The following SGCZ variants were observed in gnomAD, a reference collection of about 807,000 sequenced individuals.
SGCZ encodes the protein sarcoglycan zeta.
Under a neutral mutation model 41.3 loss-of-function variants are expected in SGCZ, and 40 were observed. The observed-to-expected ratio is 0.97, with a 90% confidence interval of 0.75 to 1.26. The LOEUF is 1.26. Among genes scored for constraint, SGCZ ranks in the 50% most tolerant of loss-of-function variants. The pLI is 0.00. For missense variants in SGCZ, 552 were observed against 369.8 expected, an observed-to-expected ratio of 1.49 and a Z score of -4.04; for synonymous variants, 206 against 137.5, an observed-to-expected ratio of 1.50 and a Z score of -3.49.
chr8:14,102,541 C>T (rs538382666), intron 6 of SGCZ, 42 bp from the exon 7 acceptor site: 3 of 1,319,846 alleles, frequency 2.3e-6, no homozygotes, highest in East Asian at 2.9e-5. Flanking sequence ...AAAAAAAACA[C>T]AAAAAAATCA....
intron 3 of SGCZ, among the ~76,000 whole-genome samples, chr8:14,296,428 G>A (rs1328728893): frequency 6.6e-6 from 1 of 152,246 alleles, no homozygotes; most frequent in African/African-American, 2.4e-5. Flanking sequence ...AAGGATTAAA[G>A]TATGTCACAT....
intron 4 of SGCZ, among the ~76,000 whole-genome samples, chr8:14,199,463 C>T (rs1805385237): frequency 6.6e-6 from 1 of 152,132 alleles, no homozygotes; most frequent in Admixed American, 6.5e-5. Context: ...TCTCGCCCTG[C>T]CTCCATTTGC....
At chr8:14,796,464 A>T (rs1367833207) in intron 1 of SGCZ, among the ~76,000 whole-genome samples, 4 of 151,816 alleles carry the variant, frequency 2.6e-5, no homozygotes, top group Non-Finnish European at 1.5e-5. Flanking sequence ...TCACAAGGTC[A>T]CTTATTTGAG....
chr8:14,802,559 T>G (rs1040085547), intron 1 of SGCZ, among the ~76,000 whole-genome samples: 1 of 152,184 alleles, frequency 6.6e-6, no homozygotes, highest in East Asian at 1.9e-4. Context: ...GCTGCCGCCT[T>G]TTTTATGAAT....
chr8:14,523,454 TC>T (rs1374544989), intron 2 of SGCZ, among the ~76,000 whole-genome samples: 2 of 152,098 alleles, frequency 1.3e-5, no homozygotes, highest in East Asian at 1.9e-4. Context: ...TTTAAGTTTT[TC>T]TTCTTTATTC....
rs928025665 is a variant in SGCZ at position 14,284,338 on chromosome 8, G to A, written c.336+39765C>T. On this transcript the variant is annotated intron_variant, in intron 3 of 7. Coordinates refer to ENST00000382080, the MANE Select transcript of SGCZ (RefSeq NM_139167.4). ...AGTCCAGGAGGTTGAGGCTGCATGA[G>A]CTGTGGCCATGCCACTGAATTCCAG... Among the ~76,000 whole-genome samples the A allele has an allele frequency of 7.9e-5, 12 of 152,332 alleles. No homozygotes were observed. In the East Asian group the frequency reaches 2.3e-3, roughly 29 times the overall value.
chr8:14,272,244 T>C (rs1469272350), intron 3 of SGCZ, among the ~76,000 whole-genome samples: 2 of 152,202 alleles, frequency 1.3e-5, no homozygotes, highest in Non-Finnish European at 2.9e-5. Context: ...CCCCAAGGAA[T>C]CTTCCCACCT....
chr8:14,895,644 C>A (rs752971144), intron 1 of SGCZ, among the ~76,000 whole-genome samples: 2 of 152,106 alleles, frequency 1.3e-5, no homozygotes, highest in Non-Finnish European at 2.9e-5. Context: ...AGCCAAGGGA[C>A]TTGCTTAATA....
chr8:14,138,060 A>G (rs1256720472), intron 5 of SGCZ, among the ~76,000 whole-genome samples: 2 of 152,180 alleles, frequency 1.3e-5, no homozygotes, highest in Non-Finnish European at 2.9e-5. Flanking sequence ...TCAACCCAGA[A>G]TTTCATATCC....
At chr8:14,563,926 A>T (rs1167847903) in intron 1 of SGCZ, among the ~76,000 whole-genome samples, 6 of 152,120 alleles carry the variant, frequency 3.9e-5, no homozygotes, top group Non-Finnish European at 8.8e-5. Flanking sequence ...TTACTCACGT[A>T]AACCCTGAAT....
intron 1 of SGCZ, among the ~76,000 whole-genome samples, chr8:15,116,478 A>G (rs1305273973): frequency 5.9e-5 from 9 of 152,190 alleles, no homozygotes; most frequent in Non-Finnish European, 1.0e-4. Context: ...TGGGATAAAA[A>G]TGCCTTAGAT....
chr8:14,748,713 T>C (rs1051938840), intron 1 of SGCZ, among the ~76,000 whole-genome samples: 3 of 152,088 alleles, frequency 2.0e-5, no homozygotes, highest in Non-Finnish European at 4.4e-5. Context: ...TGTGAACAAA[T>C]TAAATGGCTA....
At chr8:14,915,921 G>T (rs539255000) in intron 1 of SGCZ, among the ~76,000 whole-genome samples, 1 of 152,140 alleles carries the variant, frequency 6.6e-6, no homozygotes. Flanking sequence ...CAAAGTAGCC[G>T]TTTCAATATT....
intron 7 of SGCZ, among the ~76,000 whole-genome samples, chr8:14,091,255 G>C (rs1317779376): frequency 6.6e-6 from 1 of 151,508 alleles, no homozygotes; most frequent in South Asian, 2.1e-4. Flanking sequence ...ATTTGGGTTG[G>C]TCCCAAATCC....
intron 1 of SGCZ, among the ~76,000 whole-genome samples, chr8:14,694,684 C>T (rs1380628573): frequency 6.6e-6 from 1 of 152,028 alleles, no homozygotes; most frequent in Admixed American, 6.6e-5. Flanking sequence ...ACATTTCAGG[C>T]AAGTAAAGAA....
chr8:15,208,484 T>TC (rs1190178033), intron 1 of SGCZ, among the ~76,000 whole-genome samples: 23 of 152,312 alleles, frequency 1.5e-4, no homozygotes, highest in African/African-American at 5.5e-4. Flanking sequence ...AATGTATTTT[T>TC]CTTTTTTTCC....
chr8:14,411,679 C>T (rs933993209), intron 2 of SGCZ, among the ~76,000 whole-genome samples: 1 of 152,044 alleles, frequency 6.6e-6, no homozygotes, highest in African/African-American at 2.4e-5. Flanking sequence ...ATTTAAACCT[C>T]ATTAAATATT....
intron 1 of SGCZ, among the ~76,000 whole-genome samples, chr8:14,941,257 C>A (rs1047406534): frequency 6.6e-6 from 1 of 152,124 alleles, no homozygotes; most frequent in African/African-American, 2.4e-5. Flanking sequence ...GGGGAACTAT[C>A]CTACAGATAT....
At chr8:14,165,665 G>C (rs1159751327) in intron 4 of SGCZ, among the ~76,000 whole-genome samples, 2 of 152,110 alleles carry the variant, frequency 1.3e-5, no homozygotes, top group Non-Finnish European at 2.9e-5. Context: ...GCTCTTATCA[G>C]ATAGAACCCA....
Sources: gnomAD v4.1 joint callset for allele counts (sites outside exome capture counted in the v4.1 genomes callset) on GRCh38, gnomAD v4.1.1 for gene constraint, MANE v1.5 for transcripts, NCBI Gene and HGNC (gene_info 2026-07-23, HGNC 2026-07-21) for gene names.